The following ADD3 variants were observed in gnomAD, a reference collection of about 807,000 sequenced individuals.
The protein encoded by ADD3 is adducin 3, also known as gamma-adducin.
ADD3 carries 25 observed loss-of-function variants against 80.2 expected under a neutral mutation model. The ratio of observed to expected loss-of-function variants is 0.31; its 90% CI spans 0.23 to 0.44. The LOEUF is 0.44. ADD3 is among the 20% of genes least tolerant of loss of function. The pLI is 1.00. For missense variants in ADD3, 829 were observed against 847.5 expected (o/e 0.98, Z 0.27); for synonymous variants, 284 against 289.6 (o/e 0.98, Z 0.20).
At chr10:110,104,050 C>T (rs1849141127) in intron 2 of ADD3, among the ~76,000 whole-genome samples, 1 of 152,210 alleles carries the variant, frequency 6.6e-6, no homozygotes, top group South Asian at 2.1e-4. Context: ...TGATTGTCCT[C>T]AGGGTGTAGA....
chr10:110,021,808 A>G (rs1253128078), intron 1 of ADD3, among the ~76,000 whole-genome samples: 1 of 152,218 alleles, frequency 6.6e-6, no homozygotes, highest in East Asian at 1.9e-4. Flanking sequence ...TGGTTGTGCA[A>G]CATTGCGAAT....
At position 110,019,805 on chromosome 10, in the gene ADD3, G is replaced by T. The variant is rs147525093; in HGVS notation, c.-30+11506G>T. ...GAGAGTGGCCAAGAAACCTATGATT[G>T]TACTGTGTGAAGATTCTGGGAATGG... On this transcript the variant is annotated intron_variant, in intron 1 of 14. Coordinates refer to ENST00000356080, the MANE Select transcript of ADD3 (RefSeq NM_016824.5). Among the ~76,000 whole-genome samples, 191 of 152,306 alleles carry T rather than the reference G, an allele frequency of 1.3e-3. 4 individuals are homozygous for T. The East Asian group carries it at 0.031, about 25-fold the overall frequency.
intron 2 of ADD3, among the ~76,000 whole-genome samples, chr10:110,103,032 G>C (rs935579310): frequency 6.6e-6 from 1 of 152,176 alleles, no homozygotes; most frequent in Non-Finnish European, 1.5e-5. Flanking sequence ...AACAAAGAAG[G>C]CTGAGATTTA....
At chr10:110,021,215 T>A (rs1344817271) in intron 1 of ADD3, among the ~76,000 whole-genome samples, 5 of 152,234 alleles carry the variant, frequency 3.3e-5, no homozygotes, top group Non-Finnish European at 7.3e-5. Context: ...GAAACCATTT[T>A]CTCTAGGGAT....
chr10:110,110,430 G>A (rs1381605356), intron 2 of ADD3, among the ~76,000 whole-genome samples: 1 of 152,174 alleles, frequency 6.6e-6, no homozygotes, highest in Non-Finnish European at 1.5e-5. Context: ...TTCAACAGGA[G>A]CTATAGGTTC....
intron 12 of ADD3, 80 bp from the exon 13 acceptor site, chr10:110,130,283 T>G: frequency 7.3e-7 from 1 of 1,372,484 alleles, no homozygotes; most frequent in Middle Eastern, 1.8e-4. Flanking sequence ...TTTGCATTTA[T>G]GTGTATATAG....
At chr10:110,012,168 A>G (rs1028459758) in intron 1 of ADD3, among the ~76,000 whole-genome samples, 2 of 152,218 alleles carry the variant, frequency 1.3e-5, no homozygotes, top group Non-Finnish European at 2.9e-5. Context: ...CACCTGGTGT[A>G]TTAATGTAAT....
intron 1 of ADD3, among the ~76,000 whole-genome samples, chr10:110,041,024 T>C (rs1194762143): frequency 1.3e-5 from 2 of 152,042 alleles, no homozygotes; most frequent in Non-Finnish European, 1.5e-5. Context: ...GTCTCACTCA[T>C]GCTGTATCTC....
chr10:110,097,165 CTTATA>C (rs1456639476), intron 1 of ADD3, among the ~76,000 whole-genome samples: 2 of 152,146 alleles, frequency 1.3e-5, no homozygotes, highest in African/African-American at 4.8e-5. Context: ...TTTGAGGGTT[CTTATA>C]TTAATCTAAG....
At chr10:110,067,531 C>T (rs1844115517) in intron 1 of ADD3, among the ~76,000 whole-genome samples, 1 of 152,132 alleles carries the variant, frequency 6.6e-6, no homozygotes, top group Non-Finnish European at 1.5e-5. Flanking sequence ...GGAAATATCC[C>T]ACAGGAGTCA....
intron 1 of ADD3, among the ~76,000 whole-genome samples, chr10:110,054,589 C>T (rs530377593): frequency 6.6e-5 from 10 of 151,000 alleles, no homozygotes; most frequent in South Asian, 2.1e-4. Context: ...TTTACAGGCA[C>T]GCACCACCAT....
chr10:110,023,974 G>A (rs775647651), intron 1 of ADD3, among the ~76,000 whole-genome samples: 30 of 152,156 alleles, frequency 2.0e-4, no homozygotes, highest in African/African-American at 7.0e-4. Flanking sequence ...TTGGGTACAC[G>A]TGGACATAAA....
intron 1 of ADD3, among the ~76,000 whole-genome samples, chr10:110,072,907 T>C (rs1213454089): frequency 6.6e-6 from 1 of 152,058 alleles, no homozygotes; most frequent in Non-Finnish European, 1.5e-5. Context: ...CACACAACTC[T>C]TACACCTTGG....
intron 2 of ADD3, among the ~76,000 whole-genome samples, chr10:110,106,929 G>T (rs1448684524): frequency 6.6e-6 from 1 of 151,968 alleles, no homozygotes; most frequent in Non-Finnish European, 1.5e-5. Context: ...TAGACAGCAG[G>T]GATTTCTCAT....
intron 1 of ADD3, among the ~76,000 whole-genome samples, chr10:110,066,035 T>C (rs2133579378): frequency 6.6e-6 from 1 of 152,282 alleles, no homozygotes; most frequent in East Asian, 1.9e-4. Context: ...CTTCTAATTT[T>C]ATCTTTAAGG....
At chr10:110,126,012 T>A in intron 11 of ADD3, 67 bp downstream of exon 11, 8 of 1,473,242 alleles carry the variant, frequency 5.4e-6, no homozygotes, top group Non-Finnish European at 7.4e-6. Flanking sequence ...CACCAGTGGT[T>A]GAATCTGGTT....
chr10:109,999,861 T>C (rs1368992468), intron 1 of ADD3, among the ~76,000 whole-genome samples: 1 of 152,048 alleles, frequency 6.6e-6, no homozygotes, highest in African/African-American at 2.4e-5. Context: ...AGTTGTTTCA[T>C]ACATTTGTGT....
intron 12 of ADD3, among the ~76,000 whole-genome samples, chr10:110,129,130 T>TTTTCTTTC (rs953301699): frequency 2.6e-5 from 4 of 151,548 alleles, no homozygotes; most frequent in African/African-American, 9.7e-5. Flanking sequence ...CCTAGTTAGT[T>TTTTCTTTC]TTTCTTTCTT....
chr10:110,118,961 T>TA (rs1211713051), intron 6 of ADD3, among the ~76,000 whole-genome samples: 2 of 152,224 alleles, frequency 1.3e-5, no homozygotes, highest in Non-Finnish European at 2.9e-5. Flanking sequence ...AATTGGGTCA[T>TA]TGAGTTTTTT....
Sources: gnomAD v4.1 joint callset for allele counts (sites outside exome capture counted in the v4.1 genomes callset) on GRCh38, gnomAD v4.1.1 for gene constraint, MANE v1.5 for transcripts, NCBI Gene and HGNC (gene_info 2026-07-23, HGNC 2026-07-21) for gene names.